Variants in ME2 observed in about 807,000 individuals in gnomAD.
ME2 encodes the protein NAD-dependent malic enzyme, mitochondrial.
Under a neutral mutation model 73.7 loss-of-function variants are expected in ME2, and 60 were observed. The ratio of observed to expected loss-of-function variants is 0.81; its 90% CI spans 0.66 to 1.01. The LOEUF (loss-of-function observed/expected upper bound fraction) is 1.01, where lower values mean the gene tolerates loss of function less well. Ranked by LOEUF, ME2 falls within the 50% of genes least tolerant of loss-of-function variation. The pLI, the probability that ME2 is intolerant of heterozygous loss-of-function variation, is 0.00. For missense variants in ME2, 594 were observed against 705.5 expected, an observed-to-expected ratio of 0.84 and a Z score of 1.79; for synonymous variants, 199 against 236.9, an observed-to-expected ratio of 0.84 and a Z score of 1.47.
At chr18:50,924,733 G>C (rs1917506028) in intron 11 of ME2, among the ~76,000 whole-genome samples, 1 of 150,262 alleles carries the variant, frequency 6.7e-6, no homozygotes, top group Non-Finnish European at 1.5e-5. Flanking sequence ...GTCTCACTCT[G>C]TCACTCAAGC....
intron 12 of ME2, among the ~76,000 whole-genome samples, 169 bp from the exon 13 acceptor site, chr18:50,932,089 A>T (rs960667647): frequency 2.6e-5 from 4 of 152,214 alleles, no homozygotes; most frequent in African/African-American, 9.6e-5. Flanking sequence ...AACAAACCTC[A>T]TTCTAACAAA....
In ME2 at chr18:50,952,897, C is replaced by G. The variant is rs1918251964; in HGVS notation, c.*5713C>G. ...CCGACATATTTAATCCTCTGTTTAC[C>G]CTCTGTTTCTGTGCCTGATTTACAG... On this transcript the variant is annotated 3_prime_UTR_variant, in exon 16 of 16. Coordinates refer to ENST00000321341, the MANE Select transcript of ME2 (RefSeq NM_002396.5). 1 of 151,992 alleles carries G rather than the reference C, an allele frequency of 6.6e-6. No homozygotes were observed. The highest frequency in any genetic ancestry group is 1.5e-5 in the Non-Finnish European group (1 of 67,992). 9.4% of individuals were successfully genotyped at this position (151,992 alleles called of 1,614,324 possible).
At chr18:50,941,000 G>A (rs1917936765) in intron 15 of ME2, among the ~76,000 whole-genome samples, 2 of 152,038 alleles carry the variant, frequency 1.3e-5, no homozygotes, top group African/African-American at 4.8e-5. Flanking sequence ...GCTTACACCT[G>A]TAATCCCAGC....
chr18:50,942,980 A>G (rs1349517897), intron 15 of ME2, among the ~76,000 whole-genome samples: 3 of 151,414 alleles, frequency 2.0e-5, no homozygotes, highest in African/African-American at 7.3e-5. Flanking sequence ...TTTTTTTTTC[A>G]ATTTAGAGAC....
rs1917331822 is a variant in ME2, at chr18:50,918,216, A to G, written c.734+3A>G. 2 of 1,590,006 alleles carry G rather than the reference A, an allele frequency of 1.3e-6. No homozygotes were observed. Among genetic ancestry groups the G allele is most frequent in the African/African-American group, 1.3e-5 (1 of 74,324 alleles). ...TTTATGAAAGCTATTACTGACAGGTATTTTTTAAAAGTTTGAGTATATGAA... is the reference window on the plus strand; with the variant it reads ...TTTATGAAAGCTATTACTGACAGGTGTTTTTTAAAAGTTTGAGTATATGAA... On this transcript the variant is annotated splice_donor_region_variant and intron_variant, in intron 7 of 15. Transcript: ENST00000321341.
At chr18:50,939,315 G>A in intron 13 of ME2, 1 of 376,670 alleles carries the variant, frequency 2.7e-6, no homozygotes, top group South Asian at 3.4e-5. Flanking sequence ...TGAATTGTAT[G>A]TATTTGTCAT....
rs567680192 is a variant in ME2, at chr18:50,886,859, G to A, written c.-13+7551G>A. On this transcript the variant is annotated intron_variant, in intron 1 of 15. Coordinates refer to ENST00000321341, the MANE Select transcript of ME2 (RefSeq NM_002396.5). ...CTACCAAAAATACAAAAAATTAGCCGGGCATGGTGGTGCATGCCTATAGTC... is the reference window on the plus strand; with the variant it reads ...CTACCAAAAATACAAAAAATTAGCCAGGCATGGTGGTGCATGCCTATAGTC... Among the ~76,000 whole-genome samples, 5 of 152,108 alleles carry A rather than the reference G, an allele frequency of 3.3e-5. No homozygotes were observed. The South Asian group carries it at 8.3e-4, about 25-fold the overall frequency.
Position 50,892,617 on chromosome 18 carries a change from TCTTAA to T in ME2, c.-12-3187_-12-3183del, listed in dbSNP as rs549683861. 2.3e-3 allele frequency among the ~76,000 whole-genome samples: 347 copies of T among 152,308 alleles called. 4 individuals carry two copies. Among genetic ancestry groups the T allele is most frequent in the African/African-American group, 7.9e-3 (327 of 41,540 alleles). On this transcript the variant is annotated intron_variant, in intron 1 of 15. Coordinates refer to ENST00000321341, the MANE Select transcript of ME2 (RefSeq NM_002396.5). ...ATAGAATCTTTTATCCTATTACATA[TCTTAA>T]CTTATTATTGCTGATATAATCAGCC...
intron 12 of ME2, among the ~76,000 whole-genome samples, chr18:50,928,834 G>T (rs751433456): frequency 5.3e-5 from 8 of 152,064 alleles, no homozygotes; most frequent in Non-Finnish European, 1.2e-4. Context: ...GAGACTTTGG[G>T]TGGCTTTGCT....
At chr18:50,942,215 T>C (rs1917981148) in intron 15 of ME2, among the ~76,000 whole-genome samples, 1 of 152,186 alleles carries the variant, frequency 6.6e-6, no homozygotes, top group Non-Finnish European at 1.5e-5. Context: ...TTTTCCTGAG[T>C]AGTTAACCAG....
intron 12 of ME2, among the ~76,000 whole-genome samples, chr18:50,929,516 A>G (rs1917643711): frequency 6.6e-6 from 1 of 151,420 alleles, no homozygotes. Flanking sequence ...CAAAAAAACA[A>G]CCTTTATGTT....
intron 2 of ME2, among the ~76,000 whole-genome samples, chr18:50,905,013 A>G (rs1454725165): frequency 6.6e-6 from 1 of 150,944 alleles, no homozygotes; most frequent in Non-Finnish European, 1.5e-5. Flanking sequence ...TTTGAGACGG[A>G]ATCTCCCTCT....
Position 50,908,463 on chromosome 18 carries a change from A to T in ME2, c.242+267A>T, listed in dbSNP as rs114375407. ...ATATTAGAAGCAAAGGATACCATCT[A>T]ATTTGCACTCATTTTATTCAAAAAC... On this transcript the variant is annotated intron_variant, in intron 3 of 15. Transcript: ENST00000321341. 2.8e-3 allele frequency among the ~76,000 whole-genome samples: 427 copies of T among 152,306 alleles called. 3 individuals are homozygous for T. Among genetic ancestry groups the T allele is most frequent in the African/African-American group, 9.6e-3 (399 of 41,552 alleles).
chr18:50,923,628 C>T (rs1004814138), intron 10 of ME2, among the ~76,000 whole-genome samples: 3 of 152,002 alleles, frequency 2.0e-5, no homozygotes, highest in African/African-American at 7.3e-5. Context: ...GGTGTGTGCC[C>T]ATAGTTCCAG....
intron 2 of ME2, among the ~76,000 whole-genome samples, chr18:50,897,807 C>T (rs182940368): frequency 1.3e-5 from 2 of 151,408 alleles, no homozygotes; most frequent in African/African-American, 4.9e-5. Context: ...TGCGGTGAGC[C>T]GAGATCGTGC....
chr18:50,951,612 C>G lies in ME2; in HGVS notation c.*4428C>G, dbSNP rs1047565535. ...GCTCCAGAATGGCCAGGCGCAGTGG[C>G]TCACGCCTATAATCCCAGCACTTTG... On this transcript the variant is annotated 3_prime_UTR_variant, in exon 16 of 16. Transcript: ENST00000321341. 6.7e-6 allele frequency: 1 copy of G among 149,996 alleles called. No individual in the cohort carries two copies. Among genetic ancestry groups the G allele is most frequent in the Non-Finnish European group, 1.5e-5 (1 of 67,752 alleles). 9.3% of individuals were successfully genotyped at this position (149,996 alleles called of 1,614,324 possible).
intron 1 of ME2, 54 bp from the exon 2 acceptor site, chr18:50,895,755 T>C (rs1355963685): frequency 1.8e-6 from 2 of 1,086,960 alleles, no homozygotes; most frequent in East Asian, 2.4e-5. Flanking sequence ...CCGATGGACA[T>C]GAAGGCCTAT....
At chr18:50,899,537 A>G (rs1916836544) in intron 2 of ME2, among the ~76,000 whole-genome samples, 1 of 152,164 alleles carries the variant, frequency 6.6e-6, no homozygotes, top group Non-Finnish European at 1.5e-5. Flanking sequence ...GGATCACTTG[A>G]GCCCAGGAGG....
Position 50,921,160 on chromosome 18 carries a change from G to T in ME2, c.1029G>T (p.Met343Ile). The T allele has an allele frequency of 6.3e-7, 1 of 1,590,092 alleles. No homozygotes were observed. ...AAGAGGCACAAAAGAAAATCTGGAT[G>T]TTTGACAAGTATGGTTTATTAGTTA... is the stretch of plus-strand genomic sequence containing the variant. ...SEQEAQKKIW[M>I]FDKYGLLVKG... Residue 343 changes from methionine to isoleucine, a missense_variant, in exon 10 of 16, where the codon ATG becomes ATT. Coordinates refer to ENST00000321341, the MANE Select transcript of ME2 (RefSeq NM_002396.5).
Sources: allele counts gnomAD v4.1 joint callset (sites outside exome capture counted in the v4.1 genomes callset), GRCh38; gene constraint gnomAD v4.1.1; transcripts MANE v1.5; gene names NCBI Gene and HGNC (gene_info 2026-07-23, HGNC 2026-07-21).